RFPL4B: variants seen among roughly 807,000 people sequenced by gnomAD.
The protein encoded by RFPL4B is ret finger protein-like 4B.
For synonymous variants in RFPL4B, 118 were observed against 126.3 expected, an observed-to-expected ratio of 0.93 and a Z score of 0.44; for missense variants, 314 against 327.7, an observed-to-expected ratio of 0.96 and a Z score of 0.32.
rs544134150 is a variant in RFPL4B at position 112,349,744 on chromosome 6, A to G, written c.36A>G (p.Pro12=). The change falls in exon 3 of 3, where the codon CCA becomes CCG. Residue 12 remains proline (P), a synonymous_variant. Transcript: ENST00000441065. The part of the protein sequence containing the change: ...AKRLQAELSC[P]VCLDFFSCSI... ...GCCTGCAAGCAGAGTTGTCCTGTCC[A>G]GTTTGCCTGGATTTTTTCTCCTGTT... The G allele has an allele frequency of 3.3e-5, 54 of 1,614,086 alleles. 2 individuals are homozygous for G. In the South Asian group the frequency reaches 5.9e-4, roughly 18 times the overall value.
At position 112,350,711 on chromosome 6, in the gene RFPL4B, G is replaced by GCTAC. The variant is rs1789143136; in HGVS notation, c.*211_*212insCTAC. 1.9e-6 allele frequency: 1 copy of GCTAC among 520,226 alleles called. No homozygotes were observed. Among genetic ancestry groups the GCTAC allele is most frequent in the African/African-American group, 1.9e-5 (1 of 52,306 alleles). 32.2% of individuals were successfully genotyped at this position (520,226 alleles called of 1,614,324 possible). A position where few individuals can be genotyped will look rare whatever the true frequency, so the allele number is the denominator to read the frequency against. ...TAGCTAGGTAACTGGGGTCTTTAGG[G>GCTAC]ATGTTATTAAGTACTGTAAGCTTCA... On this transcript the variant is annotated 3_prime_UTR_variant, in exon 3 of 3. Coordinates refer to ENST00000441065, the MANE Select transcript of RFPL4B (RefSeq NM_001013734.3).
chr6:112,350,006 G>A lies in RFPL4B; in HGVS notation c.298G>A (p.Asp100Asn), dbSNP rs1438680611. Residue 100 changes from aspartate to asparagine, a missense_variant, in exon 3 of 3, where the codon GAT becomes AAT. Transcript: ENST00000441065. ...GCATTTTCGGGAGGATGTGACCCTG[G>A]ATGCAGCCACTGCCAGCTCCCTCCT... ...LRHFREDVTL[D>N]AATASSLLVF... 6.2e-7 allele frequency: 1 copy of A among 1,614,204 alleles called. No individual in the cohort carries two copies. Among genetic ancestry groups the A allele is most frequent in the Admixed American group, 1.7e-5 (1 of 60,022 alleles).
rs760029927 is a variant in RFPL4B at position 112,349,727 on chromosome 6, G to C, written c.19G>C (p.Ala7Pro). 1 of 1,613,604 alleles carries C rather than the reference G, an allele frequency of 6.2e-7. No individual in the cohort carries two copies. Among genetic ancestry groups the C allele is most frequent in the South Asian group, 1.1e-5 (1 of 91,060 alleles). Residue 7 changes from alanine to proline, a missense_variant, in exon 3 of 3, where the codon GCA becomes CCA. By Grantham distance (27) the Ala-to-Pro change is conservative (BLOSUM62 -1). Transcript: ENST00000441065. MAKRLQ[A>P]ELSCPVCLDF... ...AAGAACCATGGCCAAACGCCTGCAA[G>C]CAGAGTTGTCCTGTCCAGTTTGCCT... is the stretch of plus-strand genomic sequence containing the variant.
intron 1 of RFPL4B, 121 bp from the exon 2 acceptor site, chr6:112,349,069 TGTG>T (rs1210379922): frequency 1.3e-5 from 2 of 152,236 alleles, no homozygotes; most frequent in Admixed American, 6.5e-5. Flanking sequence ...TTTACTCACA[TGTG>T]GTAATTTTCC....
At position 112,350,556 on chromosome 6, in the gene RFPL4B, G is replaced by A; in HGVS notation, c.*56G>A. ...GAGGTGAAAGAGAATTTTGGCCTGAGAAAGGTCAGCATGATTGAGGAAGAG... is the reference window on the plus strand; with the variant it reads ...GAGGTGAAAGAGAATTTTGGCCTGAAAAAGGTCAGCATGATTGAGGAAGAG... On this transcript the variant is annotated 3_prime_UTR_variant, in exon 3 of 3. Transcript: ENST00000441065. 2 of 1,358,566 alleles carry A rather than the reference G, an allele frequency of 1.5e-6. No homozygotes were observed. Among genetic ancestry groups the A allele is most frequent in the Non-Finnish European group, 2.0e-6 (2 of 989,782 alleles). 84.2% of individuals were successfully genotyped at this position (1,358,566 alleles called of 1,614,324 possible). A position where few individuals can be genotyped will look rare whatever the true frequency, so the allele number is the denominator to read the frequency against.
At position 112,349,793 on chromosome 6, in the gene RFPL4B, G is replaced by T. The variant is rs369372940; in HGVS notation, c.85G>T (p.Val29Leu). 1.2e-6 allele frequency: 2 copies of T among 1,614,062 alleles called. No individual in the cohort carries two copies. The highest frequency in any genetic ancestry group is 1.7e-6 in the Non-Finnish European group (2 of 1,179,996). The stretch of plus-strand genomic sequence containing the variant: ...TTCCATTTCTCTCTCTTGTACACAC[G>T]TGTTCTGCTTTGATTGCATCCAGAG... The part of the protein sequence containing the change: ...SCSISLSCTH[V>L]FCFDCIQRYI... The change falls in exon 3 of 3, where the codon GTG becomes TTG. Residue 29 changes from valine (V) to leucine (L), a missense_variant. Val to Leu is a conservative substitution (Grantham distance 32). Coordinates refer to ENST00000441065, the MANE Select transcript of RFPL4B (RefSeq NM_001013734.3).
rs1376725958 is a variant in RFPL4B at position 112,351,256 on chromosome 6, G to A, written c.*756G>A. ...AAGGTTGCTTTTGGATTTTTTATTTGTAGAATTTATTTTCTTGCAAATAAA... is the reference window on the plus strand; with the variant it reads ...AAGGTTGCTTTTGGATTTTTTATTTATAGAATTTATTTTCTTGCAAATAAA... On this transcript the variant is annotated 3_prime_UTR_variant, in exon 3 of 3. Coordinates refer to ENST00000441065, the MANE Select transcript of RFPL4B (RefSeq NM_001013734.3). 4 of 166,158 alleles carry A rather than the reference G, an allele frequency of 2.4e-5. No individual in the cohort carries two copies. Among genetic ancestry groups the A allele is most frequent in the Non-Finnish European group, 5.9e-5 (4 of 68,082 alleles). 10.3% of individuals were successfully genotyped at this position (166,158 alleles called of 1,614,324 possible).
In RFPL4B at chr6:112,349,918, A is replaced by G; in HGVS notation, c.210A>G (p.Thr70=). Residue 70 remains threonine, a synonymous_variant, in exon 3 of 3, where the codon ACA becomes ACG. Transcript: ENST00000441065. The part of the protein sequence containing the change: ...ALEEWQVSVL[T]LMTKQHNSRL... ...AAGAATGGCAAGTGAGCGTCCTAAC[A>G]CTTATGACCAAGCAGCACAATAGCC... 1.2e-6 allele frequency: 2 copies of G among 1,614,186 alleles called. No individual in the cohort carries two copies. Among genetic ancestry groups the G allele is most frequent in the Non-Finnish European group, 1.7e-6 (2 of 1,180,026 alleles).
chr6:112,348,344 G>C (rs188471198), intron 1 of RFPL4B, among the ~76,000 whole-genome samples: 1 of 152,324 alleles, frequency 6.6e-6, no homozygotes, highest in Admixed American at 6.5e-5. Flanking sequence ...AAAGTTTTAT[G>C]TGGGCAGATA....
rs1789142208 is a variant in RFPL4B at position 112,350,626 on chromosome 6, T to C, written c.*126T>C. On this transcript the variant is annotated 3_prime_UTR_variant, in exon 3 of 3. Coordinates refer to ENST00000441065, the MANE Select transcript of RFPL4B (RefSeq NM_001013734.3). ...AGACTTGGTAAATTTTTAAAGTAGA[T>C]TTTGTAGACTTTGTAGCAAAACAAT... The C allele has an allele frequency of 4.0e-6, 3 of 756,262 alleles. No homozygotes were observed. 46.8% of individuals were successfully genotyped at this position (756,262 alleles called of 1,614,324 possible).
intron 1 of RFPL4B, among the ~76,000 whole-genome samples, chr6:112,348,527 T>C (rs1345264306): frequency 6.6e-6 from 1 of 152,210 alleles, no homozygotes; most frequent in African/African-American, 2.4e-5. Context: ...TTCCTCTCTC[T>C]GGTAATGTTG....
rs757901239 is a variant in RFPL4B, at chr6:112,350,416, C to T, written c.708C>T (p.Phe236=). 6.2e-7 allele frequency: 1 copy of T among 1,613,694 alleles called. No homozygotes were observed. Among genetic ancestry groups the T allele is most frequent in the Non-Finnish European group, 8.5e-7 (1 of 1,179,754 alleles). Residue 236 remains phenylalanine (F), a synonymous_variant, in exon 3 of 3, where the codon TTC becomes TTT. Transcript: ENST00000441065. ...NVLIYTHDGF[F]SLELLCPFFC... is the part of the protein sequence containing the mutation. ...TCATCTATACACATGATGGTTTCTT[C>T]TCTTTGGAGCTTTTGTGTCCATTCT... is the stretch of plus-strand genomic sequence containing the variant.
chr6:112,347,829 C>T (rs1288080697), intron 1 of RFPL4B, among the ~76,000 whole-genome samples: 1 of 152,138 alleles, frequency 6.6e-6, no homozygotes, highest in African/African-American at 2.4e-5. Flanking sequence ...CAAAACTTAG[C>T]CGGACGTGGT....
chr6:112,348,760 A>G (rs1351331371), intron 1 of RFPL4B, among the ~76,000 whole-genome samples: 1 of 152,174 alleles, frequency 6.6e-6, no homozygotes, highest in East Asian at 1.9e-4. Flanking sequence ...AGCATGTCAG[A>G]GACAGCTCAC....
chr6:112,350,591 T>C lies in RFPL4B; in HGVS notation c.*91T>C, dbSNP rs986021643. On this transcript the variant is annotated 3_prime_UTR_variant, in exon 3 of 3. Coordinates refer to ENST00000441065, the MANE Select transcript of RFPL4B (RefSeq NM_001013734.3). ...CATGATTGAGGAAGAGATAATGTGC[T>C]ATAGTGCAAAGACTTGGTAAATTTT... is the stretch of plus-strand genomic sequence containing the variant. 2.1e-5 allele frequency: 21 copies of C among 990,706 alleles called. No homozygotes were observed. Among genetic ancestry groups the C allele is most frequent in the Non-Finnish European group, 3.0e-5 (20 of 666,124 alleles). The allele number at this position is 990,706 out of a possible 1,614,324, so 61.4% of individuals were successfully genotyped here. A position where few individuals can be genotyped will look rare whatever the true frequency, so the allele number is the denominator to read the frequency against.
chr6:112,349,752 T>C lies in RFPL4B; in HGVS notation c.44T>C (p.Leu15Pro). 14 of 1,614,146 alleles carry C rather than the reference T, an allele frequency of 8.7e-6. No homozygotes were observed. Among genetic ancestry groups the C allele is most frequent in the Non-Finnish European group, 1.2e-5 (14 of 1,180,006 alleles). ...LQAELSCPVC[L>P]DFFSCSISLS... ...GCAGAGTTGTCCTGTCCAGTTTGCC[T>C]GGATTTTTTCTCCTGTTCCATTTCT... The change falls in exon 3 of 3, where the codon CTG (leucine) becomes CCG (proline). Residue 15 changes from leucine (L) to proline (P), a missense_variant. Transcript: ENST00000441065.
At chr6:112,348,811 C>T (rs1325480399) in intron 1 of RFPL4B, among the ~76,000 whole-genome samples, 1 of 152,142 alleles carries the variant, frequency 6.6e-6, no homozygotes, top group Non-Finnish European at 1.5e-5. Flanking sequence ...TCTGGGAGCA[C>T]CAGAGGCTCT....
At chr6:112,348,847 C>T (rs1562146124) in intron 1 of RFPL4B, among the ~76,000 whole-genome samples, 2 of 152,188 alleles carry the variant, frequency 1.3e-5, no homozygotes, top group Admixed American at 6.5e-5. Context: ...GTTGGGGTAA[C>T]AGGAGGGCAT....
intron 1 of RFPL4B, 144 bp from the exon 2 acceptor site, chr6:112,349,049 T>G (rs1267738944): frequency 1.3e-5 from 2 of 152,222 alleles, no homozygotes; most frequent in African/African-American, 2.4e-5. Context: ...TTGCAGTGGA[T>G]TTTGCTGGCT....
Sources: allele counts gnomAD v4.1 joint callset (sites outside exome capture counted in the v4.1 genomes callset), GRCh38; gene constraint gnomAD v4.1.1; transcripts MANE v1.5; gene names NCBI Gene and HGNC (gene_info 2026-07-23, HGNC 2026-07-21).